Variants in UNKL observed in about 807,000 individuals in gnomAD.
UNKL encodes putative E3 ubiquitin-protein ligase UNKL.
UNKL carries 60 observed loss-of-function variants against 78.0 expected under a neutral mutation model. The observed-to-expected ratio is 0.77, with a 90% confidence interval of 0.63 to 0.95. UNKL has a LOEUF of 0.95. UNKL is among the 40% of genes least tolerant of loss of function. The pLI is 0.00. For synonymous variants in UNKL, 608 were observed against 474.8 expected (o/e 1.28, Z -3.65); for missense variants, 1,159 against 1,045.7 (o/e 1.11, Z -1.49).
At chr16:1,383,810 G>A (rs1433873445) in intron 10 of UNKL, 1 of 444,842 alleles carries the variant, frequency 2.2e-6, no homozygotes, top group South Asian at 1.6e-5. Flanking sequence ...GTCCAGGCAG[G>A]GACTGCAGCG....
intron 10 of UNKL, chr16:1,379,608 G>A: frequency 2.0e-6 from 2 of 985,110 alleles, no homozygotes; most frequent in Non-Finnish European, 2.4e-6. Context: ...GCGGCGCACG[G>A]CTGCCACGCG....
Position 1,366,381 on chromosome 16 carries a change from G to C in UNKL, c.2061C>G (p.Leu687=), listed in dbSNP as rs535935227. 1 of 1,593,814 alleles carries C rather than the reference G, an allele frequency of 6.3e-7. No homozygotes were observed. The highest frequency in any genetic ancestry group is 1.3e-5 in the African/African-American group (1 of 74,664). Residue 687 remains leucine, a synonymous_variant, in exon 15 of 15, where the codon CTC becomes CTG. Coordinates refer to ENST00000389221, the MANE Select transcript of UNKL (RefSeq NM_001372107.1). ...LEAVDGVIFQ[L]RAKQCVACRE... is the part of the protein sequence containing the mutation. Reference sequence around the variant, plus strand: ...GGCAGGCCACACACTGCTTGGCGCGGAGCTGGAAGATCACCTGCAGGGCCA... The same window carrying C: ...GGCAGGCCACACACTGCTTGGCGCGCAGCTGGAAGATCACCTGCAGGGCCA...
At chr16:1,374,143 G>A (rs9927631) in intron 10 of UNKL, among the ~76,000 whole-genome samples, 112 of 122,070 alleles carry the variant, frequency 9.2e-4, no homozygotes, top group African/African-American at 3.4e-3. Context: ...AGCAGCGTGG[G>A]GCACACCACA....
chr16:1,366,206 G>A lies in UNKL; in HGVS notation c.*34C>T, dbSNP rs1199195829. ...TGGTCAGGAGGAGCGCTGGAGCCAGGGTGCCCAGCAGGAGGTGGCTGTCCC... is the reference window on the plus strand; with the variant it reads ...TGGTCAGGAGGAGCGCTGGAGCCAGAGTGCCCAGCAGGAGGTGGCTGTCCC... On this transcript the variant is annotated 3_prime_UTR_variant, in exon 15 of 15. Coordinates refer to ENST00000389221, the MANE Select transcript of UNKL (RefSeq NM_001372107.1). 2.0e-6 allele frequency: 3 copies of A among 1,477,624 alleles called. No individual in the cohort carries two copies. Among genetic ancestry groups the A allele is most frequent in the Admixed American group, 2.3e-5 (1 of 44,180 alleles). The allele number at this position is 1,477,624 out of a possible 1,614,324, so 91.5% of individuals were successfully genotyped here. A position where few individuals can be genotyped will look rare whatever the true frequency, so the allele number is the denominator to read the frequency against.
Position 1,401,648 on chromosome 16 carries a change from C to T in UNKL, c.518G>A (p.Gly173Glu). Residue 173 changes from glycine to glutamate, a missense_variant, in exon 4 of 15, where the codon GGG becomes GAG. By Grantham distance (98) the Gly-to-Glu change is moderately conservative. Transcript: ENST00000389221. ...LQNGQLGGGE[G>E]VPDLQPGVLA... ...GACCCCAGGCTGCAGATCCGGGACC[C>T]CTTCCCCGCCGCCCAGCTGGCCGTT... The T allele has an allele frequency of 6.2e-7, 1 of 1,612,520 alleles. No individual in the cohort carries two copies. The highest frequency in any genetic ancestry group is 8.5e-7 in the Non-Finnish European group (1 of 1,179,456).
rs775916030 is a variant in UNKL at position 1,370,368 on chromosome 16, C to T, written c.1358-11G>A. 2.4e-4 allele frequency: 369 copies of T among 1,531,308 alleles called. No individual in the cohort carries two copies. Among genetic ancestry groups the T allele is most frequent in the Middle Eastern group, 1.5e-3 (7 of 4,726 alleles). 94.9% of individuals were successfully genotyped at this position (1,531,308 alleles called of 1,614,324 possible). ...CCAGCGACCTGGGACCTGGCGGGGGCGGACCAGTCAGCGAAGGGAGTACCG... is the reference window on the plus strand; with the variant it reads ...CCAGCGACCTGGGACCTGGCGGGGGTGGACCAGTCAGCGAAGGGAGTACCG... On this transcript the variant is annotated splice_polypyrimidine_tract_variant and intron_variant, in intron 11 of 14. Transcript: ENST00000389221.
At position 1,384,363 on chromosome 16, in the gene UNKL, C is replaced by A. The variant is rs112731535; in HGVS notation, c.1264+845G>T. On this transcript the variant is annotated intron_variant, in intron 10 of 14. Coordinates refer to ENST00000389221, the MANE Select transcript of UNKL (RefSeq NM_001372107.1). ...TGCCCCCAGCTCTGCCTGCTGCCCA[C>A]TCCGGGCTTCTGGAAGAATCTGCCC... is the stretch of plus-strand genomic sequence containing the variant. Among the ~76,000 whole-genome samples, 257 of 152,198 alleles carry A rather than the reference C, an allele frequency of 1.7e-3. 3 individuals carry two copies. Among genetic ancestry groups the A allele is most frequent in the African/African-American group, 5.3e-3 (222 of 41,538 alleles).
chr16:1,398,283 A>C, intron 5 of UNKL: 10 of 995,896 alleles, frequency 1.0e-5, no homozygotes, highest in Non-Finnish European at 1.2e-5. Flanking sequence ...TCTCATAAAA[A>C]AACAAAATCC....
rs1596721426 is a variant in UNKL, at chr16:1,390,783, A to G, written c.1024-89T>C. 6 of 1,411,808 alleles carry G rather than the reference A, an allele frequency of 4.2e-6. No individual in the cohort carries two copies. The East Asian group carries it at 1.3e-4, about 30-fold the overall frequency. The allele number at this position is 1,411,808 out of a possible 1,614,324, so 87.5% of individuals were successfully genotyped here. ...AATTCAGGCTGGGCACAGTGGCAGC[A>G]CTTTGGGAGGCTGAGGCGGGCGGAT... On this transcript the variant is annotated intron_variant, in intron 8 of 14. Transcript: ENST00000389221.
Position 1,366,305 on chromosome 16 carries a change from A to G in UNKL, c.2137T>C (p.Cys713Arg). The change falls in exon 15 of 15, where the codon TGT (cysteine) becomes CGT (arginine). Residue 713 changes from cysteine (C) to arginine (R), a missense_variant. By Grantham distance (180) the Cys-to-Arg change is radical (BLOSUM62 -3). Coordinates refer to ENST00000389221, the MANE Select transcript of UNKL (RefSeq NM_001372107.1). ...VLRPCQHHIL[C>R]EPCAATAPEC... ...GGTGCGGTGGCCGCACACGGCTCAC[A>G]GAGGATGTGGTGCTGACAGGGCCGC... 9.4e-6 allele frequency: 15 copies of G among 1,601,740 alleles called. No individual in the cohort carries two copies. The highest frequency in any genetic ancestry group is 1.3e-5 in the Non-Finnish European group (15 of 1,175,494).
intron 6 of UNKL, chr16:1,394,418 C>T (rs972262430): frequency 2.8e-6 from 2 of 705,664 alleles, no homozygotes; most frequent in African/African-American, 3.5e-5. Flanking sequence ...CCACAGGGAA[C>T]ACGCACACAT....
At chr16:1,369,725 C>G (rs1011652709) in intron 12 of UNKL, among the ~76,000 whole-genome samples, 2 of 152,190 alleles carry the variant, frequency 1.3e-5, no homozygotes, top group African/African-American at 4.8e-5. Context: ...TCACTGTCAT[C>G]CCACACTTTG....
At position 1,399,233 on chromosome 16, in the gene UNKL, T is replaced by TCC. The variant is rs2037406428; in HGVS notation, c.734+140_734+141insGG. The TCC allele has an allele frequency of 4.4e-6, 6 of 1,362,132 alleles. No individual in the cohort carries two copies. The Admixed American group carries it at 8.8e-5, about 20-fold the overall frequency. 84.4% of individuals were successfully genotyped at this position (1,362,132 alleles called of 1,614,324 possible). ...TGGCACCTCCCACAGCCACTGTGCT[T>TCC]GGAGATGCCCTCCCCTCCCGGGGAT... On this transcript the variant is annotated intron_variant, in intron 5 of 14. Transcript: ENST00000389221. The surrounding 1 kb of genome is among the most constrained non-coding windows in gnomAD (Gnocchi z 5.8).
At position 1,366,021 on chromosome 16, in the gene UNKL, G is replaced by A. The variant is rs1390957446; in HGVS notation, c.*219C>T. On this transcript the variant is annotated 3_prime_UTR_variant, in exon 15 of 15. Transcript: ENST00000389221. ...TTAAGGTTTTTGAGGAAAATACCTTGAAACCGTCGGTAGGACTAGATAGGT... is the reference window on the plus strand; with the variant it reads ...TTAAGGTTTTTGAGGAAAATACCTTAAAACCGTCGGTAGGACTAGATAGGT... The A allele has an allele frequency of 6.2e-6, 3 of 483,656 alleles. No individual in the cohort carries two copies. The highest frequency in any genetic ancestry group is 1.0e-5 in the Non-Finnish European group (3 of 288,192). 30.0% of individuals were successfully genotyped at this position (483,656 alleles called of 1,614,324 possible).
At chr16:1,371,489 A>G (rs113923611) in intron 11 of UNKL, 30 bp downstream of exon 11, 1 of 1,533,232 alleles carries the variant, frequency 6.5e-7, no homozygotes, top group South Asian at 1.2e-5. Flanking sequence ...CGGCTGGAGG[A>G]GCAGGGCCCC....
chr16:1,412,015 G>C (rs1414888612), intron 2 of UNKL: 1 of 152,180 alleles, frequency 6.6e-6, no homozygotes, highest in Non-Finnish European at 1.5e-5. Flanking sequence ...GGTCCCTGGA[G>C]AATCAGCTCC....
chr16:1,380,762 C>T (rs1446814404), intron 10 of UNKL, among the ~76,000 whole-genome samples: 2 of 150,968 alleles, frequency 1.3e-5, no homozygotes, highest in African/African-American at 4.9e-5. Context: ...ACAACCTCCG[C>T]CTTTGCGGTC....
intron 6 of UNKL, 123 bp from the exon 7 acceptor site, chr16:1,394,338 G>C (rs544379094): frequency 1.8e-5 from 22 of 1,198,926 alleles, no homozygotes; most frequent in Non-Finnish European, 2.4e-5. Flanking sequence ...CCCTGAAAAG[G>C]GGGGCGTGGG....
Position 1,376,878 on chromosome 16 carries a change from T to TAC in UNKL, c.1265-5269_1265-5268dup, listed in dbSNP as rs144358248. Among the ~76,000 whole-genome samples the TAC allele has an allele frequency of 9.0e-3, 1,367 of 152,238 alleles. 25 individuals are homozygous for TAC. The highest frequency in any genetic ancestry group is 0.032 in the African/African-American group (1,319 of 41,532). On this transcript the variant is annotated intron_variant, in intron 10 of 14. Transcript: ENST00000389221. ...ATAAAAGTTACCTGCGCAAATGCTG[T>TAC]ACACTGCTGTCCTGAACCCAGACCT...
Sources: allele counts gnomAD v4.1 joint callset (sites outside exome capture counted in the v4.1 genomes callset), GRCh38; gene constraint gnomAD v4.1.1; non-coding constraint Gnocchi (gnomAD v3.1); transcripts MANE v1.5; gene names NCBI Gene and HGNC (gene_info 2026-07-23, HGNC 2026-07-21).